SAMD5: variants seen among roughly 807,000 people sequenced by gnomAD.
SAMD5 encodes sterile alpha motif domain-containing protein 5.
A neutral mutation model predicts 11.3 loss-of-function variants in SAMD5; 13 were observed. The ratio of observed to expected loss-of-function variants is 1.15; its 90% CI spans 0.75 to 1.83. SAMD5 has a LOEUF of 1.83. SAMD5 is among the 40% of genes most tolerant of loss of function. The pLI is 0.00. For missense variants in SAMD5, 255 were observed against 239.1 expected (o/e 1.07, Z -0.44); for synonymous variants, 129 against 111.3 (o/e 1.16, Z -1.00).
intron 1 of SAMD5, among the ~76,000 whole-genome samples, chr6:147,696,236 C>G (rs1791174423): frequency 1.3e-5 from 2 of 152,176 alleles, no homozygotes; most frequent in African/African-American, 4.8e-5. Context: ...TTCTCCTTAT[C>G]CTTTTACTCA....
At chr6:147,911,639 C>T in the SAMD5 span, among the ~76,000 whole-genome samples, 2 of 152,164 alleles carry the variant, frequency 1.3e-5, no homozygotes, top group African/African-American at 4.8e-5. Context: ...TTTGCACATT[C>T]TAGGAGATCT....
In SAMD5 at chr6:147,737,324, T is replaced by A; in HGVS notation, c.170T>A (p.Leu57Ter). Residue 57 changes from leucine to a stop codon, truncating the protein, a stop_gained, in exon 2 of 2, where the codon TTA becomes TAA. Coordinates refer to the SAMD5 transcript ENST00000566741. LOFTEE classifies it high-confidence loss of function. ...CCTCTTTTTATGCTCCAGGTATTAT[T>A]ATGCCGCTACCTTCAAGAAGTAATT... The A allele has an allele frequency of 8.0e-7, 1 of 1,245,514 alleles. No individual in the cohort carries two copies. The highest frequency in any genetic ancestry group is 1.0e-6 in the Non-Finnish European group (1 of 961,360). 77.2% of individuals were successfully genotyped at this position (1,245,514 alleles called of 1,614,324 possible).
chr6:147,678,817 T>G (rs757979441), intron 1 of SAMD5, among the ~76,000 whole-genome samples: 9 of 152,154 alleles, frequency 5.9e-5, no homozygotes, highest in Non-Finnish European at 1.3e-4. Flanking sequence ...GGTATACTTG[T>G]CATACAATAA....
At chr6:147,807,080 T>G in the SAMD5 span, among the ~76,000 whole-genome samples, 1 of 150,508 alleles carries the variant, frequency 6.6e-6, no homozygotes, top group Non-Finnish European at 1.5e-5. Context: ...ATTTCTGTTG[T>G]TTTTTTTTGT....
chr6:147,684,260 A>C (rs998371783), intron 1 of SAMD5, among the ~76,000 whole-genome samples: 12 of 152,106 alleles, frequency 7.9e-5, no homozygotes, highest in African/African-American at 2.4e-4. Context: ...CCTCCATGTT[A>C]TTGCTTGTTG....
intron 1 of SAMD5, among the ~76,000 whole-genome samples, chr6:147,554,227 C>T (rs954232184): frequency 2.6e-5 from 4 of 152,152 alleles, no homozygotes; most frequent in African/African-American, 9.7e-5. Context: ...GGGTAACCAC[C>T]TCTATGATTC....
the SAMD5 span, among the ~76,000 whole-genome samples, chr6:147,938,947 A>G: frequency 6.6e-6 from 1 of 152,284 alleles, no homozygotes; most frequent in Middle Eastern, 3.4e-3. Flanking sequence ...GAGTTCCACA[A>G]GACTGCCCTC....
chr6:147,680,371 A>G (rs1185745486), intron 1 of SAMD5, among the ~76,000 whole-genome samples: 1 of 152,140 alleles, frequency 6.6e-6, no homozygotes, highest in East Asian at 1.9e-4. Context: ...TTGATCTTGT[A>G]TCCTACAAAC....
At chr6:147,867,361 A>G in the SAMD5 span, among the ~76,000 whole-genome samples, 2 of 150,724 alleles carry the variant, frequency 1.3e-5, no homozygotes, top group Non-Finnish European at 2.9e-5. Context: ...ATATGGAGAG[A>G]GAAAGATATC....
At chr6:147,882,864 T>A in the SAMD5 span, among the ~76,000 whole-genome samples, 1 of 152,248 alleles carries the variant, frequency 6.6e-6, no homozygotes, top group African/African-American at 2.4e-5. Context: ...TTAAGTAATT[T>A]GTTTAATACA....
chr6:147,568,432 G>T lies in SAMD5; in HGVS notation c.*3976G>T, dbSNP rs1789079167. ...ATTCTTACAAGTAATATTTGATTAG[G>T]TATCAAAATAGGTTTAGGCAGGTGG... On this transcript the variant is annotated 3_prime_UTR_variant, in exon 2 of 2. Transcript: ENST00000367474. The T allele has an allele frequency of 1.0e-6, 1 of 984,364 alleles. No individual in the cohort carries two copies. The highest frequency in any genetic ancestry group is 1.2e-6 in the Non-Finnish European group (1 of 829,098). The allele number at this position is 984,364 out of a possible 1,614,324, so 61.0% of individuals were successfully genotyped here.
chr6:147,870,079 A>G, the SAMD5 span, among the ~76,000 whole-genome samples: 2 of 152,090 alleles, frequency 1.3e-5, no homozygotes, highest in Non-Finnish European at 1.5e-5. Context: ...GCAAAATCTC[A>G]TGTATATTTC....
the SAMD5 span, among the ~76,000 whole-genome samples, chr6:147,767,653 A>G: frequency 1.4e-3 from 215 of 152,282 alleles, no homozygotes; most frequent in South Asian, 3.1e-3. Context: ...GAAGGTGACC[A>G]TCTGCAAGCC....
intron 1 of SAMD5, among the ~76,000 whole-genome samples, chr6:147,726,396 C>CA (rs1791627054): frequency 6.6e-6 from 1 of 152,214 alleles, no homozygotes; most frequent in African/African-American, 2.4e-5. Context: ...GATAATCCTG[C>CA]AAAAAAGCAG....
chr6:147,701,676 CTGAA>C (rs1231273175), intron 1 of SAMD5, among the ~76,000 whole-genome samples: 3 of 149,174 alleles, frequency 2.0e-5, no homozygotes, highest in African/African-American at 7.4e-5. Flanking sequence ...AAATTAAAAA[CTGAA>C]TGATATGTAT....
chr6:147,856,069 C>A, the SAMD5 span, among the ~76,000 whole-genome samples: 2 of 152,032 alleles, frequency 1.3e-5, no homozygotes, highest in South Asian at 4.1e-4. Context: ...TATGGTATAG[C>A]GATACAATGG....
the SAMD5 span, among the ~76,000 whole-genome samples, chr6:147,745,052 C>T: frequency 6.6e-6 from 1 of 152,070 alleles, no homozygotes; most frequent in African/African-American, 2.4e-5. Context: ...TTGATAATAT[C>T]AAGCAGTTAC....
the SAMD5 span, among the ~76,000 whole-genome samples, chr6:147,815,151 G>A: frequency 1.3e-5 from 2 of 152,172 alleles, no homozygotes; most frequent in African/African-American, 4.8e-5. Flanking sequence ...CTCATGCCAA[G>A]GGTTGTTAAA....
At position 147,700,449 on chromosome 6, in the gene SAMD5, G is replaced by C. The variant is rs572511778; in HGVS notation, c.163-36868G>C. 2.6e-5 allele frequency among the ~76,000 whole-genome samples: 4 copies of C among 152,314 alleles called. No individual in the cohort carries two copies. In the South Asian group the frequency reaches 8.3e-4, roughly 32 times the overall value. On this transcript the variant is annotated intron_variant, in intron 1 of 1. Transcript: ENST00000566741. The stretch of plus-strand genomic sequence containing the variant: ...GTCCCAGAGGAGTTCAGAAATCTAA[G>C]TTCAGGATTTTTTCCCCCCAGATAT...
Sources: gnomAD v4.1 joint callset for allele counts (sites outside exome capture counted in the v4.1 genomes callset) on GRCh38, gnomAD v4.1.1 for gene constraint, MANE v1.5 for transcripts, NCBI Gene and HGNC (gene_info 2026-07-23, HGNC 2026-07-21) for gene names.